Variants in IRAG2 observed in about 807,000 individuals in gnomAD.
IRAG2 encodes inositol 1,4,5-triphosphate receptor associated 2.
A neutral mutation model predicts 69.9 loss-of-function variants in IRAG2; 45 were observed. The ratio of observed to expected loss-of-function variants is 0.64; its 90% CI spans 0.51 to 0.83. The LOEUF (loss-of-function observed/expected upper bound fraction) is 0.83. Among genes scored for constraint, IRAG2 ranks in the 40% least tolerant of loss-of-function variants. The probability of loss-of-function intolerance (pLI) is 0.00; values close to 1 mark genes in which losing one functional copy is unlikely to be tolerated. For synonymous variants in IRAG2, 193 were observed against 202.4 expected (o/e 0.95, Z 0.40); for missense variants, 520 against 587.0 (o/e 0.89, Z 1.18).
intron 6 of IRAG2, 89 bp downstream of exon 6, chr12:25,069,520 A>G: frequency 8.3e-7 from 1 of 1,206,906 alleles, no homozygotes; most frequent in Non-Finnish European, 1.2e-6. Context: ...TGTCTTTTTT[A>G]TTTTTTAAGT....
chr12:25,005,268 A>G, exon 2 of IRAG2: 2 of 1,230,456 alleles, frequency 1.6e-6, no homozygotes, highest in Non-Finnish European at 2.0e-6. Flanking sequence ...GATGATGGTA[A>G]AGAAGATGTA....
chr12:25,026,574 C>T (rs572613466), intron 8 of IRAG2, among the ~76,000 whole-genome samples: 45 of 152,090 alleles, frequency 3.0e-4, no homozygotes, highest in South Asian at 1.9e-3. Flanking sequence ...GGTTGTTGAA[C>T]GGTGGGATGC....
At chr12:25,049,585 A>G (rs1367185977), upstream of IRAG2, among the ~76,000 whole-genome samples, 1 of 152,266 alleles carries the variant, frequency 6.6e-6, no homozygotes, top group Non-Finnish European at 1.5e-5. Flanking sequence ...AAAGAAGACG[A>G]TAAATGGTCA....
At chr12:25,025,686 T>A (rs1014559936) in intron 8 of IRAG2, among the ~76,000 whole-genome samples, 1 of 152,236 alleles carries the variant, frequency 6.6e-6, no homozygotes, top group Non-Finnish European at 1.5e-5. Context: ...GTCTTTGCAA[T>A]GATCCAGTCA....
At chr12:25,012,640 C>T (rs1332902034) in intron 3 of IRAG2, among the ~76,000 whole-genome samples, 1 of 152,050 alleles carries the variant, frequency 6.6e-6, no homozygotes, top group South Asian at 2.1e-4. Flanking sequence ...CCAGCCAGGC[C>T]AACGTGGTGA....
At position 25,013,866 on chromosome 12, in the gene IRAG2, C is replaced by CTTTTTTTTTTTTTTTTTT. The variant is rs71063386; in HGVS notation, c.897-1307_897-1290dup. Reference sequence around the variant, plus strand: ...GGTTTTAATTTTTTGTTTTCTTTTTCTTTTTTTTTTTTTTTTTTTTTTTTT... The same window carrying CTTTTTTTTTTTTTTTTTT: ...GGTTTTAATTTTTTGTTTTCTTTTTCTTTTTTTTTTTTTTTTTTTTTTTTTTTTTTTTTTTTTTTTTTT... On this transcript the variant is annotated intron_variant, in intron 3 of 38. Coordinates refer to the IRAG2 transcript ENST00000636465. Among the ~76,000 whole-genome samples the CTTTTTTTTTTTTTTTTTT allele has an allele frequency of 3.8e-5, 3 of 79,530 alleles. 1 individual carries two copies. The highest frequency in any genetic ancestry group is 6.7e-5 in the Non-Finnish European group (3 of 44,494). 52.2% of individuals were successfully genotyped at this position (79,530 alleles called of 152,430 possible).
chr12:25,106,212 A>AT (rs1444156453), intron 20 of IRAG2, among the ~76,000 whole-genome samples: 1 of 151,772 alleles, frequency 6.6e-6, no homozygotes, highest in Non-Finnish European at 1.5e-5. Flanking sequence ...ATGAGAAAAG[A>AT]TTTTTACTAA....
chr12:25,088,003 T>G (rs1035309832), intron 10 of IRAG2, 97 bp from the exon 11 acceptor site: 11 of 859,394 alleles, frequency 1.3e-5, no homozygotes, highest in Non-Finnish European at 2.1e-5. Context: ...TAGAGTGTTT[T>G]TGTCAGAGTA....
intron 9 of IRAG2, among the ~76,000 whole-genome samples, chr12:25,029,949 C>A (rs1439727927): frequency 6.6e-6 from 1 of 152,122 alleles, no homozygotes; most frequent in African/African-American, 2.4e-5. Flanking sequence ...AGTGAAGATT[C>A]TGAACATTCC....
intron 15 of IRAG2, 139 bp downstream of exon 15, chr12:25,097,183 GTGTT>G (rs1352532878): frequency 1.5e-6 from 1 of 683,542 alleles, no homozygotes; most frequent in Non-Finnish European, 2.3e-6. Context: ...TAATACATAT[GTGTT>G]TAATACAGAA....
At chr12:25,063,303 T>C (rs963196406) in intron 3 of IRAG2, among the ~76,000 whole-genome samples, 1 of 152,154 alleles carries the variant, frequency 6.6e-6, no homozygotes, top group African/African-American at 2.4e-5. Flanking sequence ...CCACCTACCT[T>C]GGCCTCCCAA....
At position 25,077,907 on chromosome 12, in the gene IRAG2, A is replaced by G. The variant is rs185318286; in HGVS notation, c.25-1337A>G. 5.3e-5 allele frequency among the ~76,000 whole-genome samples: 8 copies of G among 152,314 alleles called. No homozygotes were observed. In the East Asian group the frequency reaches 1.5e-3, roughly 29 times the overall value. On this transcript the variant is annotated intron_variant, in intron 6 of 21. Transcript: ENST00000556887. The stretch of plus-strand genomic sequence containing the variant: ...CAAGTTCGATTGTAGATTTTTCTAA[A>G]CATTTGAGGTGAACATCTTACAAGT...
intron 11 of IRAG2, chr12:25,032,302 C>T (rs138674488): frequency 1.8e-5 from 7 of 398,928 alleles, no homozygotes; most frequent in African/African-American, 1.2e-4. Context: ...TGTGCGATTC[C>T]AGAATTTACG....
intron 5 of IRAG2, chr12:25,015,577 C>G: frequency 2.3e-6 from 1 of 442,434 alleles, no homozygotes; most frequent in Non-Finnish European, 3.7e-6. Flanking sequence ...TTCACTGATT[C>G]TAATAATGCC....
intron 4 of IRAG2, among the ~76,000 whole-genome samples, chr12:25,064,950 C>T (rs764616993): frequency 1.8e-4 from 28 of 152,078 alleles, no homozygotes; most frequent in Non-Finnish European, 3.2e-4. Context: ...ATTAGCTGGG[C>T]ATGGTGGTGC....
chr12:25,053,391 G>A (rs1409714482), intron 1 of IRAG2, among the ~76,000 whole-genome samples: 1 of 151,442 alleles, frequency 6.6e-6, no homozygotes, highest in African/African-American at 2.4e-5. Flanking sequence ...AATTTTAGGG[G>A]GTTGGGCAAA....
At chr12:25,065,145 T>C (rs531788702) in intron 4 of IRAG2, among the ~76,000 whole-genome samples, 8 of 151,816 alleles carry the variant, frequency 5.3e-5, no homozygotes, top group Admixed American at 2.6e-4. Flanking sequence ...CACAGTTCTA[T>C]GCTCTTAACA....
chr12:25,076,168 TA>T (rs1317142776), intron 6 of IRAG2, among the ~76,000 whole-genome samples: 1 of 152,184 alleles, frequency 6.6e-6, no homozygotes, highest in African/African-American at 2.4e-5. Flanking sequence ...AGGATTGGGA[TA>T]TGTTGTATAT....
chr12:25,044,037 T>C (rs911707491), intron 16 of IRAG2, among the ~76,000 whole-genome samples: 5 of 152,162 alleles, frequency 3.3e-5, no homozygotes, highest in African/African-American at 1.2e-4. Flanking sequence ...TTAAATCACT[T>C]TTAATTCTTA....
Sources: gnomAD v4.1 joint callset for allele counts (sites outside exome capture counted in the v4.1 genomes callset) on GRCh38, gnomAD v4.1.1 for gene constraint, MANE v1.5 for transcripts, NCBI Gene and HGNC (gene_info 2026-07-23, HGNC 2026-07-21) for gene names.